CLDN18: variants seen among roughly 807,000 people sequenced by gnomAD.
CLDN18 encodes the protein claudin-18.
In CLDN18, 20 loss-of-function variants were observed where a neutral mutation model predicts 25.0. That is an observed-to-expected ratio of 0.80 (90% CI 0.56 to 1.16). The LOEUF (loss-of-function observed/expected upper bound fraction) is 1.16, where lower values mean the gene tolerates loss of function less well. Among genes scored for constraint, CLDN18 ranks in the 50% most tolerant of loss-of-function variants. The pLI, the probability that CLDN18 is intolerant of heterozygous loss-of-function variation, is 0.00. For synonymous variants in CLDN18, 125 were observed against 135.6 expected (o/e 0.92, Z 0.54); for missense variants, 297 against 345.4 (o/e 0.86, Z 1.11).
intron 1 of CLDN18, chr3:137,999,214 G>A (rs1057368090): frequency 2.1e-5 from 17 of 792,272 alleles, no homozygotes; most frequent in Non-Finnish European, 3.5e-5. Flanking sequence ...GTTTGACAGG[G>A]GCAACAGCCA....
intron 4 of CLDN18, 128 bp from the exon 5 acceptor site, chr3:138,030,842 C>G: frequency 1.2e-6 from 1 of 819,158 alleles, no homozygotes; most frequent in East Asian, 2.5e-5. Flanking sequence ...TCCTGGTTTG[C>G]CCCGGACTGA....
intron 1 of CLDN18, among the ~76,000 whole-genome samples, chr3:138,020,797 T>C (rs749752067): frequency 7.2e-5 from 11 of 152,246 alleles, no homozygotes; most frequent in Non-Finnish European, 1.3e-4. Context: ...CGGAGGATGA[T>C]AGTTTATGGT....
upstream of CLDN18, among the ~76,000 whole-genome samples, chr3:138,008,690 C>T (rs1000915858): frequency 9.2e-5 from 14 of 152,064 alleles, no homozygotes; most frequent in African/African-American, 2.9e-4. Flanking sequence ...CTTTGGGAAG[C>T]CAAGATAAGC....
chr3:138,029,177 G>A (rs920521910), intron 3 of CLDN18, among the ~76,000 whole-genome samples: 8 of 151,632 alleles, frequency 5.3e-5, no homozygotes, highest in Non-Finnish European at 7.4e-5. Flanking sequence ...TCAGAGTCTC[G>A]CTCTGTTGCC....
chr3:138,031,273 T>G lies in CLDN18; in HGVS notation c.*132T>G. 1 of 730,018 alleles carries G rather than the reference T, an allele frequency of 1.4e-6. No homozygotes were observed. Among genetic ancestry groups the G allele is most frequent in the Non-Finnish European group, 2.1e-6 (1 of 465,994 alleles). 45.2% of individuals were successfully genotyped at this position (730,018 alleles called of 1,614,324 possible). A position where few individuals can be genotyped will look rare whatever the true frequency, so the allele number is the denominator to read the frequency against. On this transcript the variant is annotated 3_prime_UTR_variant, in exon 5 of 5. Coordinates refer to ENST00000183605, the MANE Select transcript of CLDN18 (RefSeq NM_016369.4). ...GTTAGAAAAGCCTCGATTTCATCTT[T>G]GGAGAGGCCAAATGGTCTTAGCCTC...
At chr3:138,018,512 A>G (rs1220866095) in intron 1 of CLDN18, among the ~76,000 whole-genome samples, 1 of 151,416 alleles carries the variant, frequency 6.6e-6, no homozygotes, top group Non-Finnish European at 1.5e-5. Context: ...AATTTTTTGT[A>G]TTTTTAGTAG....
chr3:138,018,562 T>G (rs923608152), intron 1 of CLDN18, among the ~76,000 whole-genome samples: 5 of 152,018 alleles, frequency 3.3e-5, no homozygotes, highest in Non-Finnish European at 7.4e-5. Flanking sequence ...GGTCTCGATC[T>G]CCTGACCTCG....
rs761875755 is a variant in CLDN18 at position 138,010,253 on chromosome 3, G to T, written c.28G>T (p.Ala10Ser). 2.5e-6 allele frequency: 4 copies of T among 1,613,622 alleles called. No individual in the cohort carries two copies. Among genetic ancestry groups the T allele is most frequent in the Admixed American group, 3.3e-5 (2 of 59,966 alleles). ...GTCCACCACCACATGCCAAGTGGTGGCGTTCCTCCTGTCCATCCTGGGGCT... is the reference window on the plus strand; with the variant it reads ...GTCCACCACCACATGCCAAGTGGTGTCGTTCCTCCTGTCCATCCTGGGGCT... MSTTTCQVV[A>S]FLLSILGLAG... The change falls in exon 1 of 5, where the codon GCG (alanine) becomes TCG (serine). Residue 10 changes from alanine (A) to serine (S), a missense_variant. Transcript: ENST00000183605.
At chr3:138,003,646 G>A (rs1399132391) in intron 1 of CLDN18, among the ~76,000 whole-genome samples, 1 of 152,008 alleles carries the variant, frequency 6.6e-6, no homozygotes, top group Non-Finnish European at 1.5e-5. Flanking sequence ...AGATTTCGTG[G>A]AAATATATAA....
intron 1 of CLDN18, among the ~76,000 whole-genome samples, chr3:138,001,929 A>G (rs745992231): frequency 2.0e-5 from 3 of 152,202 alleles, no homozygotes; most frequent in Non-Finnish European, 4.4e-5. Context: ...ATAAGCCCAA[A>G]TTTAAAATGT....
In CLDN18 at chr3:138,024,599, G is replaced by T; in HGVS notation, c.386-8G>T. ...TAACTCTGGAGTTTTCTTTTTCTTT[G>T]CCCACAGGTCTTTGTGCAATTGCTG... On this transcript the variant is annotated splice_polypyrimidine_tract_variant and splice_region_variant and intron_variant, in intron 2 of 4. Transcript: ENST00000183605. 1 of 1,573,122 alleles carries T rather than the reference G, an allele frequency of 6.4e-7. No homozygotes were observed. Among genetic ancestry groups the T allele is most frequent in the South Asian group, 1.1e-5 (1 of 89,848 alleles).
chr3:138,029,980 C>CAAAAAAAA lies in CLDN18; in HGVS notation c.614+76_614+83dup. On this transcript the variant is annotated intron_variant, in intron 4 of 4. Transcript: ENST00000183605. ...TCTATTTTAATGTATAACTTGCAGCCAAAAAAAAAATCAGTCTAGGTATAT... is the reference window on the plus strand; with the variant it reads ...TCTATTTTAATGTATAACTTGCAGCCAAAAAAAAAAAAAAAAAATCAGTCTAGGTATAT... The CAAAAAAAA allele has an allele frequency of 5.0e-6, 4 of 805,564 alleles. No homozygotes were observed. In the Admixed American group the frequency reaches 8.0e-5, roughly 16 times the overall value. The allele number at this position is 805,564 out of a possible 1,614,324, so 49.9% of individuals were successfully genotyped here.
At chr3:138,004,696 T>G (rs890299971) in intron 1 of CLDN18, 2 of 151,800 alleles carry the variant, frequency 1.3e-5, no homozygotes, top group Non-Finnish European at 2.9e-5. Context: ...AGTCATTGAC[T>G]AGCTTTTTTT....
chr3:138,026,509 G>T (rs1019178754), intron 3 of CLDN18, among the ~76,000 whole-genome samples: 19 of 152,144 alleles, frequency 1.2e-4, no homozygotes, highest in African/African-American at 4.6e-4. Flanking sequence ...GCTGGGCGTG[G>T]TGGCAGGCGC....
At chr3:138,027,959 A>G (rs566519981) in intron 3 of CLDN18, among the ~76,000 whole-genome samples, 4 of 152,362 alleles carry the variant, frequency 2.6e-5, no homozygotes, top group African/African-American at 9.6e-5. Flanking sequence ...AATAGCCTAC[A>G]GGTAAATGTT....
intron 4 of CLDN18, among the ~76,000 whole-genome samples, chr3:138,030,253 G>C (rs1280409244): frequency 6.6e-6 from 1 of 152,248 alleles, no homozygotes; most frequent in African/African-American, 2.4e-5. Context: ...TTGGGAGGGT[G>C]GGGGAAAGTG....
intron 1 of CLDN18, among the ~76,000 whole-genome samples, chr3:138,000,445 C>T (rs1242254710): frequency 3.3e-5 from 5 of 152,050 alleles, no homozygotes; most frequent in South Asian, 2.1e-4. Flanking sequence ...ATGACCTTGG[C>T]GGGAGAAGAA....
intron 3 of CLDN18, among the ~76,000 whole-genome samples, chr3:138,026,934 G>C (rs2107889147): frequency 6.6e-6 from 1 of 152,280 alleles, no homozygotes; most frequent in African/African-American, 2.4e-5. Context: ...TCAGTCCCTG[G>C]GGGCAGAGTG....
At chr3:138,002,805 C>A (rs918727155) in intron 1 of CLDN18, among the ~76,000 whole-genome samples, 2 of 152,140 alleles carry the variant, frequency 1.3e-5, no homozygotes, top group East Asian at 1.9e-4. Context: ...AGTAGTCAAC[C>A]TTTTCTGGGC....
Sources: gnomAD v4.1 joint callset for allele counts (sites outside exome capture counted in the v4.1 genomes callset) on GRCh38, gnomAD v4.1.1 for gene constraint, MANE v1.5 for transcripts, NCBI Gene and HGNC (gene_info 2026-07-23, HGNC 2026-07-21) for gene names.